The following SNTG1 variants were observed in gnomAD, a reference collection of about 807,000 sequenced individuals.
SNTG1 encodes syntrophin gamma 1, also known as gamma-1-syntrophin.
In SNTG1, 39 loss-of-function variants were observed where a neutral mutation model predicts 74.7. That is an observed-to-expected ratio of 0.52 (90% CI 0.40 to 0.68). SNTG1 has a LOEUF of 0.68. SNTG1 is among the 30% of genes least tolerant of loss of function. SNTG1 has a pLI of 0.00. For missense variants in SNTG1, 685 were observed against 609.5 expected, an observed-to-expected ratio of 1.12 and a Z score of -1.30; for synonymous variants, 254 against 217.1, an observed-to-expected ratio of 1.17 and a Z score of -1.49.
At position 50,793,861 on chromosome 8, in the gene SNTG1, G is replaced by A. The variant is rs899469223; in HGVS notation, c.*1032G>A. Reference sequence around the variant, plus strand: ...TAGTACTATTTTATGAGAAACAAAGGTGATATTTAAAGATAAAAGTTAAAA... The same window carrying A: ...TAGTACTATTTTATGAGAAACAAAGATGATATTTAAAGATAAAAGTTAAAA... On this transcript the variant is annotated 3_prime_UTR_variant, in exon 19 of 19. Coordinates refer to ENST00000642720, the MANE Select transcript of SNTG1 (RefSeq NM_018967.5). The A allele has an allele frequency of 4.0e-5, 6 of 151,766 alleles. No individual in the cohort carries two copies. Among genetic ancestry groups the A allele is most frequent in the African/African-American group, 9.7e-5 (4 of 41,368 alleles). 9.4% of individuals were successfully genotyped at this position (151,766 alleles called of 1,614,324 possible).
chr8:50,569,279 G>A (rs2094533367), intron 12 of SNTG1, among the ~76,000 whole-genome samples: 1 of 152,034 alleles, frequency 6.6e-6, no homozygotes, highest in South Asian at 2.1e-4. Context: ...CCCTCTGTGG[G>A]ATGAACACAG....
At chr8:50,669,698 A>C (rs2095269479) in intron 15 of SNTG1, among the ~76,000 whole-genome samples, 1 of 152,330 alleles carries the variant, frequency 6.6e-6, no homozygotes, top group African/African-American at 2.4e-5. Context: ...TTATGAGGCC[A>C]GCATCATCCT....
At chr8:50,738,331 A>G (rs1297156438) in intron 17 of SNTG1, among the ~76,000 whole-genome samples, 1 of 152,166 alleles carries the variant, frequency 6.6e-6, no homozygotes, top group African/African-American at 2.4e-5. Flanking sequence ...AGAATAAAAT[A>G]CCTAGGGATA....
At chr8:50,126,354 C>T (rs2131376388) in intron 1 of SNTG1, among the ~76,000 whole-genome samples, 1 of 152,062 alleles carries the variant, frequency 6.6e-6, no homozygotes. Context: ...ATAACTGATA[C>T]AGGAGAAGAA....
chr8:50,498,658 A>T (rs75148237), intron 8 of SNTG1, among the ~76,000 whole-genome samples: 8,249 of 151,978 alleles, frequency 0.054, 343 homozygotes, highest in South Asian at 0.18. Context: ...TACAAAAATA[A>T]ATCCTGCCTT....
intron 1 of SNTG1, among the ~76,000 whole-genome samples, chr8:50,049,082 G>A (rs949154944): frequency 6.6e-6 from 1 of 151,550 alleles, no homozygotes; most frequent in African/African-American, 2.4e-5. Flanking sequence ...AAGAAGGCAG[G>A]ATAGAGTGAA....
intron 1 of SNTG1, among the ~76,000 whole-genome samples, chr8:50,042,730 T>A (rs1818746321): frequency 7.0e-6 from 1 of 142,868 alleles, no homozygotes; most frequent in African/African-American, 2.7e-5. Flanking sequence ...CTAATTGACT[T>A]TTTTTTTTTT....
intron 1 of SNTG1, among the ~76,000 whole-genome samples, chr8:50,042,263 T>C (rs1818700021): frequency 6.6e-6 from 1 of 152,214 alleles, no homozygotes; most frequent in African/African-American, 2.4e-5. Flanking sequence ...TACAGCAATC[T>C]ATCTAGTCCC....
At chr8:50,729,165 C>G (rs2131614621) in intron 17 of SNTG1, among the ~76,000 whole-genome samples, 1 of 152,268 alleles carries the variant, frequency 6.6e-6, no homozygotes, top group East Asian at 1.9e-4. Flanking sequence ...GGGCTGCCAG[C>G]TTGGATAGCT....
chr8:49,942,022 T>A (rs1808736859), intron 1 of SNTG1, among the ~76,000 whole-genome samples: 1 of 152,140 alleles, frequency 6.6e-6, no homozygotes, highest in Non-Finnish European at 1.5e-5. Flanking sequence ...TGTACACAAA[T>A]AATTAGAGAT....
At chr8:49,916,641 A>G (rs1282391443) in intron 1 of SNTG1, among the ~76,000 whole-genome samples, 4 of 152,200 alleles carry the variant, frequency 2.6e-5, no homozygotes, top group Non-Finnish European at 1.5e-5. Context: ...AATTCACTAA[A>G]TAAGCTAATA....
intron 15 of SNTG1, among the ~76,000 whole-genome samples, chr8:50,689,265 TG>T (rs2095366893): frequency 6.6e-6 from 1 of 152,182 alleles, no homozygotes; most frequent in South Asian, 2.1e-4. Context: ...CTGATTGCCC[TG>T]GCCAGAACTT....
At chr8:49,965,532 G>A (rs1811060254) in intron 1 of SNTG1, among the ~76,000 whole-genome samples, 1 of 152,124 alleles carries the variant, frequency 6.6e-6, no homozygotes. Context: ...AAGCTCAAGA[G>A]AATCCTGCTC....
At chr8:50,223,270 G>A (rs1056246422) in intron 2 of SNTG1, among the ~76,000 whole-genome samples, 6 of 151,972 alleles carry the variant, frequency 3.9e-5, no homozygotes, top group Admixed American at 3.3e-4. Context: ...TAAAAACAAT[G>A]AATTCTACAC....
intron 9 of SNTG1, among the ~76,000 whole-genome samples, chr8:50,528,851 T>C (rs1043076740): frequency 6.6e-6 from 1 of 151,668 alleles, no homozygotes; most frequent in African/African-American, 2.4e-5. Flanking sequence ...TTTCCCCAAA[T>C]ATCTGATATT....
At chr8:50,734,794 T>C in intron 17 of SNTG1, among the ~76,000 whole-genome samples, 1 of 98,774 alleles carries the variant, frequency 1.0e-5, no homozygotes. Flanking sequence ...TCTATATATA[T>C]GGACATATAT....
chr8:50,025,005 T>C lies in SNTG1; in HGVS notation c.-103+112774T>C, dbSNP rs554539437. Among the ~76,000 whole-genome samples the C allele has an allele frequency of 6.6e-5, 10 of 152,208 alleles. No homozygotes were observed. In the East Asian group the frequency reaches 1.9e-3, roughly 29 times the overall value. ...CTATTTAATATTATTTTACCTCAGG[T>C]AACTAAAACCTTAGCAAGTGAAACT... On this transcript the variant is annotated intron_variant, in intron 1 of 18. Transcript: ENST00000642720.
At chr8:50,502,536 C>A (rs959715408) in intron 8 of SNTG1, among the ~76,000 whole-genome samples, 3 of 152,118 alleles carry the variant, frequency 2.0e-5, no homozygotes, top group Admixed American at 1.3e-4. Flanking sequence ...AAGACCTCAA[C>A]AAGTATGAAT....
intron 2 of SNTG1, among the ~76,000 whole-genome samples, chr8:50,313,276 A>G (rs185524964): frequency 1.3e-5 from 2 of 150,096 alleles, no homozygotes; most frequent in Admixed American, 1.3e-4. Flanking sequence ...TGAATATGAC[A>G]CCAAAAAGCA....
Sources: gnomAD v4.1 joint callset for allele counts (sites outside exome capture counted in the v4.1 genomes callset) on GRCh38, gnomAD v4.1.1 for gene constraint, MANE v1.5 for transcripts, NCBI Gene and HGNC (gene_info 2026-07-23, HGNC 2026-07-21) for gene names.